CFAP73: variants seen among roughly 807,000 people sequenced by gnomAD.
The protein encoded by CFAP73 is cilia and flagella associated protein 73.
In CFAP73, 33 loss-of-function variants were observed where a neutral mutation model predicts 42.9. The observed-to-expected ratio is 0.77, with a 90% CI of 0.58 to 1.03. The LOEUF is 1.03. CFAP73 is among the 50% of genes least tolerant of loss of function. The pLI, the probability that CFAP73 is intolerant of heterozygous loss-of-function variation, is 0.00. For synonymous variants in CFAP73, 162 were observed against 186.8 expected (o/e 0.87, Z 1.08); for missense variants, 392 against 411.9 (o/e 0.95, Z 0.42).
chr12:113,157,162 C>A (rs1001874273), intron 6 of CFAP73: 2 of 158,718 alleles, frequency 1.3e-5, no homozygotes, highest in African/African-American at 4.8e-5. Flanking sequence ...TGTAAGTTCA[C>A]CCTCAAGTTC....
In CFAP73 at chr12:113,154,508, T is replaced by G. The variant is rs1207074504; in HGVS notation, c.563T>G (p.Leu188Arg). The G allele has an allele frequency of 1.3e-6, 2 of 1,525,470 alleles. No homozygotes were observed. 94.5% of individuals were successfully genotyped at this position (1,525,470 alleles called of 1,614,324 possible). ...AGGGAGCGCGAGCAGCTCGCGGAGC[T>G]GGAGGCGGCGCGAGCGCGGCTGCAG... is the stretch of plus-strand genomic sequence containing the variant. ...RLREREQLAE[L>R]EAARARLQQL... Residue 188 changes from leucine to arginine, a missense_variant, in exon 5 of 8, where the codon CTG becomes CGG. Leu to Arg is a moderately radical substitution (Grantham distance 102). Coordinates refer to ENST00000335621, the MANE Select transcript of CFAP73 (RefSeq NM_001144872.3). The surrounding 1 kb of genome is among the most constrained non-coding windows in gnomAD (Gnocchi z 4.7).
chr12:113,157,387 T>C (rs1393526115), intron 6 of CFAP73: 9 of 586,224 alleles, frequency 1.5e-5, no homozygotes, highest in Non-Finnish European at 2.4e-5. Context: ...AGGTGTCTGC[T>C]CACGCAGCAG....
intron 7 of CFAP73, 160 bp downstream of exon 7, chr12:113,157,850 A>G: frequency 1.6e-6 from 1 of 625,524 alleles, no homozygotes; most frequent in East Asian, 2.8e-5. Flanking sequence ...CATGAGGGGC[A>G]CATAGCAAGC....
intron 7 of CFAP73, 193 bp downstream of exon 7, chr12:113,157,883 T>C (rs1025172667): frequency 6.9e-5 from 41 of 595,970 alleles, no homozygotes; most frequent in African/African-American, 6.3e-4. Flanking sequence ...CAGGCCCTGA[T>C]GAGGAGGTGA....
Position 113,158,778 on chromosome 12 carries a change from A to C in CFAP73, c.*89A>C. 2.3e-6 allele frequency: 3 copies of C among 1,302,386 alleles called. No homozygotes were observed. Among genetic ancestry groups the C allele is most frequent in the Non-Finnish European group, 3.1e-6 (3 of 958,616 alleles). The allele number at this position is 1,302,386 out of a possible 1,614,324, so 80.7% of individuals were successfully genotyped here. A position where few individuals can be genotyped will look rare whatever the true frequency, so the allele number is the denominator to read the frequency against. ...GATGGCTCCTGCAGGGAGTGCCCCC[A>C]GTGCCCAGCACAGGGCCAGGCACAC... On this transcript the variant is annotated 3_prime_UTR_variant, in exon 8 of 8. Transcript: ENST00000335621. The surrounding 1 kb of genome is among the most constrained non-coding windows in gnomAD (Gnocchi z 4.9).
At position 113,156,075 on chromosome 12, in the gene CFAP73, G is replaced by A. The variant is rs147230465; in HGVS notation, c.849+657G>A. Among the ~76,000 whole-genome samples, 339 of 151,872 alleles carry A rather than the reference G, an allele frequency of 2.2e-3. 3 individuals are homozygous for A. Among genetic ancestry groups the A allele is most frequent in the African/African-American group, 7.2e-3 (298 of 41,408 alleles). Reference sequence around the variant, plus strand: ...AGTTGGGATTACAGGCACACACCACGACACCCGGCTAATTTTGTATTTTTA... The same window carrying A: ...AGTTGGGATTACAGGCACACACCACAACACCCGGCTAATTTTGTATTTTTA... On this transcript the variant is annotated intron_variant, in intron 6 of 7. Coordinates refer to ENST00000335621, the MANE Select transcript of CFAP73 (RefSeq NM_001144872.3).
Position 113,154,653 on chromosome 12 carries a change from T to TG in CFAP73, c.690+24dup, listed in dbSNP as rs1191408170. On this transcript the variant is annotated intron_variant, in intron 5 of 7. Transcript: ENST00000335621. The surrounding 1 kb of genome is among the most constrained non-coding windows in gnomAD (Gnocchi z 4.7). ...TGCAGTGGGTACGACCCGCCCTAGG[T>TG]GGGGGGCGCTCCGGACCCCAGGCTT... 2 of 1,383,212 alleles carry TG rather than the reference T, an allele frequency of 1.4e-6. No individual in the cohort carries two copies. The highest frequency in any genetic ancestry group is 9.3e-7 in the Non-Finnish European group (1 of 1,077,890). 85.7% of individuals were successfully genotyped at this position (1,383,212 alleles called of 1,614,324 possible). A position where few individuals can be genotyped will look rare whatever the true frequency, so the allele number is the denominator to read the frequency against.
chr12:113,152,325 TG>T (rs1169542033), intron 2 of CFAP73, among the ~76,000 whole-genome samples: 1 of 152,172 alleles, frequency 6.6e-6, no homozygotes, highest in East Asian at 1.9e-4. Context: ...GAAGAAGCAC[TG>T]GGCAGGGGCT....
intron 1 of CFAP73, among the ~76,000 whole-genome samples, chr12:113,150,515 T>TGCCCTGGCAGTAA (rs58446929): frequency 0.063 from 9,568 of 152,132 alleles, 584 homozygotes; most frequent in East Asian, 0.2. Flanking sequence ...TCCTGCAGCC[T>TGCCCTGGCAGTAA]CATCCTTCCG....
At position 113,153,243 on chromosome 12, in the gene CFAP73, G is replaced by A; in HGVS notation, c.303G>A (p.Arg101=). The change falls in exon 4 of 8, where the codon AGG becomes AGA. Residue 101 remains arginine, a synonymous_variant. Transcript: ENST00000335621. ...SEARRNRALR[R]AAEERHQAGR... is the part of the protein sequence containing the mutation. ...CCCGGCGCAATCGCGCGCTGCGGAGGGCGGCGGAGGAGAGGCACCAGGCGG... is the reference window on the plus strand; with the variant it reads ...CCCGGCGCAATCGCGCGCTGCGGAGAGCGGCGGAGGAGAGGCACCAGGCGG... 1 of 1,520,640 alleles carries A rather than the reference G, an allele frequency of 6.6e-7. No individual in the cohort carries two copies. The highest frequency in any genetic ancestry group is 8.8e-7 in the Non-Finnish European group (1 of 1,140,258). The allele number at this position is 1,520,640 out of a possible 1,614,324, so 94.2% of individuals were successfully genotyped here.
rs1268437623 is a variant in CFAP73, at chr12:113,155,259, G to T, written c.691-1G>T. ...TTGGGAGTGGGGCGGGTGTTCTCCA[G>T]GAATCCAAGTGGATTCAGATTCAGA... On this transcript the variant is annotated splice_acceptor_variant, in intron 5 of 7. Transcript: ENST00000335621. LOFTEE classifies it high-confidence loss of function. The T allele has an allele frequency of 7.2e-6, 11 of 1,527,406 alleles. No homozygotes were observed. The highest frequency in any genetic ancestry group is 9.8e-6 in the Non-Finnish European group (11 of 1,128,070). 94.6% of individuals were successfully genotyped at this position (1,527,406 alleles called of 1,614,324 possible).
intron 1 of CFAP73, 112 bp downstream of exon 1, chr12:113,150,025 G>C: frequency 9.9e-7 from 1 of 1,012,874 alleles, no homozygotes; most frequent in East Asian, 2.6e-5. Context: ...TCATAGTGGG[G>C]GTTATTGTCC....
chr12:113,152,061 G>A lies in CFAP73; in HGVS notation c.162+38G>A, dbSNP rs561988093. ...TACTGTAACGAGGTGGTGAGCTGGT[G>A]GATGGGAAGTGATGGAGCCAATTTA... On this transcript the variant is annotated intron_variant, in intron 2 of 7. Transcript: ENST00000335621. 32 of 1,456,568 alleles carry A rather than the reference G, an allele frequency of 2.2e-5. No homozygotes were observed. In the Admixed American group the frequency reaches 3.0e-4, roughly 14 times the overall value. 90.2% of individuals were successfully genotyped at this position (1,456,568 alleles called of 1,614,324 possible).
chr12:113,152,817 G>T lies in CFAP73; in HGVS notation c.197G>T (p.Arg66Leu). 1 of 1,551,710 alleles carries T rather than the reference G, an allele frequency of 6.4e-7. No individual in the cohort carries two copies. The highest frequency in any genetic ancestry group is 8.7e-7 in the Non-Finnish European group (1 of 1,146,994). The change falls in exon 3 of 8, where the codon CGT becomes CTT. Residue 66 changes from arginine to leucine, a missense_variant. By Grantham distance (102) the Arg-to-Leu change is moderately radical. Transcript: ENST00000335621. ...FRTKTAALKQ[R>L]WEQLEQKERE... is the part of the protein sequence containing the mutation. The stretch of plus-strand genomic sequence containing the variant: ...ACCAAGACGGCAGCCCTGAAACAGC[G>T]TTGGGAACAGCTGGAACAAAAGGAG...
At chr12:113,156,557 T>C (rs1397662847) in intron 6 of CFAP73, among the ~76,000 whole-genome samples, 1 of 152,036 alleles carries the variant, frequency 6.6e-6, no homozygotes, top group Non-Finnish European at 1.5e-5. Context: ...TCCCACCTTT[T>C]CCCCAACCGA....
At chr12:113,156,601 C>A (rs1952130414) in intron 6 of CFAP73, among the ~76,000 whole-genome samples, 1 of 152,102 alleles carries the variant, frequency 6.6e-6, no homozygotes, top group South Asian at 2.1e-4. Flanking sequence ...GGCCAGGATT[C>A]CAACCGAATG....
At position 113,157,613 on chromosome 12, in the gene CFAP73, C is replaced by A; in HGVS notation, c.861C>A (p.Phe287Leu). Residue 287 changes from phenylalanine (F) to leucine (L), a missense_variant, in exon 7 of 8, where the codon TTC becomes TTA. Phe to Leu is a conservative substitution (Grantham distance 22, BLOSUM62 0). Coordinates refer to ENST00000335621, the MANE Select transcript of CFAP73 (RefSeq NM_001144872.3). ...TEGQLEHVKL[F>L]MQDLSAMLAG... Reference sequence around the variant, plus strand: ...CTGGGCCCCCCCAGGTGAAGCTGTTCATGCAGGACCTCTCTGCCATGCTGG... The same window carrying A: ...CTGGGCCCCCCCAGGTGAAGCTGTTAATGCAGGACCTCTCTGCCATGCTGG... 6.4e-7 allele frequency: 1 copy of A among 1,551,704 alleles called. No individual in the cohort carries two copies. Among genetic ancestry groups the A allele is most frequent in the East Asian group, 2.4e-5 (1 of 40,930 alleles).
chr12:113,151,308 C>G (rs937211219), intron 1 of CFAP73, among the ~76,000 whole-genome samples: 4 of 152,248 alleles, frequency 2.6e-5, no homozygotes, highest in East Asian at 1.9e-4. Context: ...ATGGTGAAAC[C>G]CTGTCTCTAC....
intron 2 of CFAP73, 100 bp downstream of exon 2, chr12:113,152,123 C>A: frequency 1.3e-6 from 1 of 785,212 alleles, no homozygotes; most frequent in South Asian, 1.7e-5. Flanking sequence ...TTTCACCACT[C>A]CAAGCCTTGA....
Sources: allele counts gnomAD v4.1 joint callset (sites outside exome capture counted in the v4.1 genomes callset), GRCh38; gene constraint gnomAD v4.1.1; non-coding constraint Gnocchi (gnomAD v3.1); transcripts MANE v1.5; gene names NCBI Gene and HGNC (gene_info 2026-07-23, HGNC 2026-07-21).